The following SUGP2 variants were observed in gnomAD, a reference collection of about 807,000 sequenced individuals.
SUGP2 encodes the protein SURP and G-patch domain containing 2.
SUGP2 carries 24 observed loss-of-function variants against 90.5 expected under a neutral mutation model. The ratio of observed to expected loss-of-function variants is 0.27; its 90% CI spans 0.19 to 0.37. SUGP2 has a LOEUF of 0.37. Among genes scored for constraint, SUGP2 ranks in the 10% least tolerant of loss-of-function variants. The pLI, the probability that SUGP2 is intolerant of heterozygous loss-of-function variation, is 1.00. For missense variants in SUGP2, 1,233 were observed against 1,363.3 expected (o/e 0.90, Z 1.51); for synonymous variants, 473 against 513.4 (o/e 0.92, Z 1.06).
intron 2 of SUGP2, among the ~76,000 whole-genome samples, chr19:19,030,052 C>T (rs8109654): frequency 0.69 from 104,510 of 151,940 alleles, 36,663 homozygotes; most frequent in East Asian, 0.89. Context: ...CAGTGGCTCA[C>T]GCCTGTAATC....
intron 8 of SUGP2, among the ~76,000 whole-genome samples, chr19:18,998,772 G>T (rs950568580): frequency 5.9e-5 from 9 of 152,142 alleles, no homozygotes; most frequent in African/African-American, 2.2e-4. Flanking sequence ...AGGTATGAAG[G>T]GAGGAGCTAT....
At position 19,010,170 on chromosome 19, in the gene SUGP2, G is replaced by A; in HGVS notation, c.2023C>T (p.Leu675Phe). The part of the protein sequence containing the change: ...RAVRNLKKKL[L>F]PWQRRGLLRA... ...AGGAGCCCCCGCCGCTGCCACGGAA[G>A]GAGTTTCTTCTTGAGGTTGCGGACA... Residue 675 changes from leucine (L) to phenylalanine (F), a missense_variant, in exon 5 of 11, where the codon CTT (leucine) becomes TTT (phenylalanine). By Grantham distance (22) the Leu-to-Phe change is conservative. Around this residue, in one of 8 missense-constraint regions of SUGP2, gnomAD observed 540 missense variants for 542.6 expected, o/e 1.00. Coordinates refer to ENST00000452918, the MANE Select transcript of SUGP2 (RefSeq NM_001017392.5). 2 of 1,613,764 alleles carry A rather than the reference G, an allele frequency of 1.2e-6. No homozygotes were observed. The highest frequency in any genetic ancestry group is 8.5e-7 in the Non-Finnish European group (1 of 1,179,982).
intron 6 of SUGP2, among the ~76,000 whole-genome samples, chr19:19,006,215 G>A (rs988530720): frequency 4.6e-5 from 5 of 108,814 alleles, no homozygotes; most frequent in Admixed American, 1.1e-4. Context: ...GTGAAATTCC[G>A]TCTCAAAAAT....
chr19:19,022,550 T>A (rs375135731), intron 3 of SUGP2, among the ~76,000 whole-genome samples: 1 of 152,300 alleles, frequency 6.6e-6, no homozygotes, highest in East Asian at 1.9e-4. Context: ...CTGGCAATCA[T>A]GTAGAAGAGC....
At chr19:18,999,148 C>T (rs35748113) in intron 8 of SUGP2, among the ~76,000 whole-genome samples, 3,668 of 152,274 alleles carry the variant, frequency 0.024, 70 homozygotes, top group Non-Finnish European at 0.036. Flanking sequence ...CGTGAATGTT[C>T]AAATCTGTGT....
At chr19:19,004,734 G>A (rs1419848307) in intron 6 of SUGP2, 88 bp from the exon 7 acceptor site, 7 of 1,097,718 alleles carry the variant, frequency 6.4e-6, no homozygotes, top group Non-Finnish European at 9.2e-6. Context: ...ATCCAAGGAA[G>A]GTGGAGGTGG....
chr19:19,022,214 G>A (rs2058754706), intron 3 of SUGP2, among the ~76,000 whole-genome samples: 1 of 152,238 alleles, frequency 6.6e-6, no homozygotes, highest in East Asian at 1.9e-4. Flanking sequence ...TCGATCTCCT[G>A]ACCTCATGAT....
intron 7 of SUGP2, among the ~76,000 whole-genome samples, chr19:19,002,808 C>T (rs534208314): frequency 1.2e-4 from 18 of 152,018 alleles, no homozygotes; most frequent in African/African-American, 3.6e-4. Flanking sequence ...CCAGCACACC[C>T]GGCGCAGGTC....
chr19:19,024,535 T>C (rs1322985104), intron 3 of SUGP2, 84 bp downstream of exon 3: 3 of 1,473,996 alleles, frequency 2.0e-6, no homozygotes, highest in Non-Finnish European at 2.7e-6. Flanking sequence ...GCTAAAGAAC[T>C]TCTGTGTAAA....
intron 5 of SUGP2, 51 bp downstream of exon 5, chr19:19,009,804 G>T: frequency 6.5e-7 from 1 of 1,537,662 alleles, no homozygotes; most frequent in Non-Finnish European, 8.7e-7. Context: ...CCCTGGAGAT[G>T]GGAGAGTAGG....
At chr19:18,994,512 T>G (rs2057494336) in intron 9 of SUGP2, 26 bp from the exon 10 acceptor site, 1 of 1,612,358 alleles carries the variant, frequency 6.2e-7, no homozygotes, top group African/African-American at 1.3e-5. Flanking sequence ...GAGAGTCAGT[T>G]GTGCACCTGA....
At position 19,007,642 on chromosome 19, in the gene SUGP2, G is replaced by C. The variant is rs185390203; in HGVS notation, c.2450+675C>G. Among the ~76,000 whole-genome samples, 97 of 151,498 alleles carry C rather than the reference G, an allele frequency of 6.4e-4. 1 individual carries two copies. Among genetic ancestry groups the C allele is most frequent in the Admixed American group, 6.3e-3 (96 of 15,190 alleles). On this transcript the variant is annotated intron_variant, in intron 6 of 10. Coordinates refer to ENST00000452918, the MANE Select transcript of SUGP2 (RefSeq NM_001017392.5). ...GCTAATTTTTTTTATTTTTAGTATAGAGACGGGGTTTCACTATGTTGGCAA... is the reference window on the plus strand; with the variant it reads ...GCTAATTTTTTTTATTTTTAGTATACAGACGGGGTTTCACTATGTTGGCAA...
chr19:19,019,229 G>A lies in SUGP2; in HGVS notation c.1730C>T (p.Ala577Val). The A allele has an allele frequency of 6.2e-7, 1 of 1,612,442 alleles. No homozygotes were observed. Among genetic ancestry groups the A allele is most frequent in the Non-Finnish European group, 8.5e-7 (1 of 1,178,728 alleles). ...CCTGTGATCTGCTCGCTGGGGGACA[G>A]CTGGAACACACAGAACAGCTTCTCT... is the stretch of plus-strand genomic sequence containing the variant. ...QAKAPSSLSD[A>V]VPQRADHRVV... The change falls in exon 4 of 11, where the codon GCT becomes GTT. Residue 577 changes from alanine (A) to valine (V), a missense_variant and splice_region_variant. Ala to Val is a moderately conservative substitution (Grantham distance 64). Transcript: ENST00000452918.
chr19:19,001,936 A>G (rs994987803), intron 7 of SUGP2, among the ~76,000 whole-genome samples: 3 of 152,200 alleles, frequency 2.0e-5, no homozygotes, highest in Admixed American at 2.0e-4. Flanking sequence ...TGCTTTTGGA[A>G]AGTCTATTCA....
chr19:19,019,299 A>C, intron 3 of SUGP2, 70 bp from the exon 4 acceptor site: 1 of 1,544,026 alleles, frequency 6.5e-7, no homozygotes. Flanking sequence ...AGGATAGTTG[A>C]GTAGTTGGGG....
intron 6 of SUGP2, among the ~76,000 whole-genome samples, chr19:19,008,099 G>T (rs2058158364): frequency 6.6e-6 from 1 of 152,146 alleles, no homozygotes; most frequent in African/African-American, 2.4e-5. Flanking sequence ...TGGCCAGGCT[G>T]TGGGCTGGCT....
At chr19:19,017,964 C>T (rs1327520155) in intron 4 of SUGP2, among the ~76,000 whole-genome samples, 3 of 150,558 alleles carry the variant, frequency 2.0e-5, no homozygotes, top group Non-Finnish European at 1.5e-5. Flanking sequence ...GGTGTCTCAG[C>T]CCAGCACAGT....
intron 8 of SUGP2, among the ~76,000 whole-genome samples, chr19:18,997,178 T>C (rs1599390250): frequency 6.6e-6 from 1 of 151,966 alleles, no homozygotes. Context: ...GCCATCTGCA[T>C]TGAGGTGCCC....
intron 7 of SUGP2, 89 bp downstream of exon 7, chr19:19,004,079 A>G: frequency 1.9e-6 from 2 of 1,051,644 alleles, no homozygotes. Context: ...CTTTTGGATT[A>G]AAATGTCTCC....
Sources: gnomAD v4.1 joint callset for allele counts (sites outside exome capture counted in the v4.1 genomes callset) on GRCh38, gnomAD v4.1.1 for gene constraint, gnomAD v4.1.1 regional missense constraint, MANE v1.5 for transcripts, NCBI Gene and HGNC (gene_info 2026-07-23, HGNC 2026-07-21) for gene names.